The following MINPP1 variants were observed in gnomAD, a reference collection of about 807,000 sequenced individuals.
The protein encoded by MINPP1 is multiple inositol-polyphosphate phosphatase 1, also known as multiple inositol polyphosphate phosphatase 1.
A neutral mutation model predicts 46.1 loss-of-function variants in MINPP1; 28 were observed. The observed-to-expected ratio is 0.61, with a 90% CI of 0.45 to 0.83. MINPP1 has a LOEUF of 0.83. Ranked by LOEUF, MINPP1 falls within the 40% of genes least tolerant of loss-of-function variation. The pLI, the probability that MINPP1 is intolerant of heterozygous loss-of-function variation, is 0.00. For synonymous variants in MINPP1, 268 were observed against 249.1 expected, an observed-to-expected ratio of 1.08 and a Z score of -0.72; for missense variants, 603 against 610.0, an observed-to-expected ratio of 0.99 and a Z score of 0.12.
rs575601700 is a variant in MINPP1, at chr10:87,511,330, A to C, written c.836-1794A>C. ...TTTACATAGCCATATCTGTCTCTTC[A>C]TTATGGCTTCTGAGTGTTGTATTTT... On this transcript the variant is annotated intron_variant, in intron 2 of 4. Coordinates refer to ENST00000371996, the MANE Select transcript of MINPP1 (RefSeq NM_004897.5). 2.6e-5 allele frequency among the ~76,000 whole-genome samples: 4 copies of C among 152,236 alleles called. No individual in the cohort carries two copies. The South Asian group carries it at 8.3e-4, about 32-fold the overall frequency.
rs558419016 is a variant in MINPP1 at position 87,528,514 on chromosome 10, C to T, written c.1067+7345C>T. ...TTTGTTCAGTTTCCATGTAGTTGAG[C>T]GGTTTTGAGTGAGTTTCTTAATCCT... On this transcript the variant is annotated intron_variant, in intron 4 of 4. Transcript: ENST00000371996. Among the ~76,000 whole-genome samples the T allele has an allele frequency of 3.6e-3, 548 of 150,192 alleles. 6 individuals are homozygous for T. Among genetic ancestry groups the T allele is most frequent in the African/African-American group, 0.012 (503 of 40,824 alleles).
chr10:87,506,921 T>A lies in MINPP1; in HGVS notation c.637+1369T>A, dbSNP rs565563989. Among the ~76,000 whole-genome samples, 59 of 152,380 alleles carry A rather than the reference T, an allele frequency of 3.9e-4. 1 individual carries two copies. The South Asian group carries it at 5.0e-3, about 13-fold the overall frequency. On this transcript the variant is annotated intron_variant, in intron 1 of 4. Coordinates refer to ENST00000371996, the MANE Select transcript of MINPP1 (RefSeq NM_004897.5). ...TTACTTGTTGAACTGTGTTTTTTTT[T>A]AAATATATACTTTTTCCATTAGCAT...
At position 87,505,365 on chromosome 10, in the gene MINPP1, A is replaced by G; in HGVS notation, c.450A>G (p.Gly150=). The G allele has an allele frequency of 6.2e-7, 1 of 1,613,932 alleles. No individual in the cohort carries two copies. Residue 150 remains glycine (G), a synonymous_variant, in exon 1 of 5, where the codon GGA becomes GGG. Transcript: ENST00000371996. This position sits in a 1 kb window ranked among gnomAD's most constrained non-coding sequence, Gnocchi z 4.4. Reference sequence around the variant, plus strand: ...TGGACGGGCAGCTAGTAGAGAAGGGACGGCAGGATATGCGACAGCTGGCGC... The same window carrying G: ...TGGACGGGCAGCTAGTAGAGAAGGGGCGGCAGGATATGCGACAGCTGGCGC... ...DWMDGQLVEK[G]RQDMRQLALR... is the part of the protein sequence containing the mutation.
intron 4 of MINPP1, among the ~76,000 whole-genome samples, chr10:87,536,331 A>G (rs1851735107): frequency 6.6e-6 from 1 of 152,212 alleles, no homozygotes; most frequent in South Asian, 2.1e-4. Context: ...GGAGTCTTTG[A>G]AGTAGGCTAC....
At chr10:87,519,144 A>G (rs1851457415) in intron 3 of MINPP1, among the ~76,000 whole-genome samples, 1 of 152,196 alleles carries the variant, frequency 6.6e-6, no homozygotes, top group South Asian at 2.1e-4. Context: ...AACAAGGGAT[A>G]TGGGAGTTAC....
At chr10:87,544,988 G>A (rs552674097) in intron 4 of MINPP1, among the ~76,000 whole-genome samples, 1 of 152,286 alleles carries the variant, frequency 6.6e-6, no homozygotes, top group Admixed American at 6.5e-5. Flanking sequence ...TTATTTAAGA[G>A]TGTGTGTAAT....
intron 3 of MINPP1, among the ~76,000 whole-genome samples, chr10:87,519,644 C>T (rs1236506549): frequency 6.6e-6 from 1 of 152,100 alleles, no homozygotes; most frequent in African/African-American, 2.4e-5. Context: ...TCCTCCTCAC[C>T]CCTTTAATGT....
chr10:87,547,006 A>G (rs1851896763), intron 4 of MINPP1, among the ~76,000 whole-genome samples: 2 of 152,200 alleles, frequency 1.3e-5, no homozygotes, highest in South Asian at 2.1e-4. Context: ...GCCAAATTGC[A>G]TGTTGCTGAA....
intron 4 of MINPP1, among the ~76,000 whole-genome samples, chr10:87,538,086 T>C (rs1164548818): frequency 1.3e-5 from 2 of 151,182 alleles, no homozygotes; most frequent in Non-Finnish European, 2.9e-5. Flanking sequence ...TAGATAGGAG[T>C]AATCTGTAAT....
intron 1 of MINPP1, among the ~76,000 whole-genome samples, chr10:87,507,673 G>A (rs150177797): frequency 1.6e-3 from 245 of 152,262 alleles, no homozygotes; most frequent in African/African-American, 5.6e-3. Flanking sequence ...AGTAGTTGAA[G>A]CATGATTATG....
At position 87,505,835 on chromosome 10, in the gene MINPP1, G is replaced by A. The variant is rs908930604; in HGVS notation, c.637+283G>A. ...TAGAGTTGGGGATCCAACAGGAAAG[G>A]GGACAGACGAGGTCTCCCGCAATTT... On this transcript the variant is annotated intron_variant, in intron 1 of 4. Transcript: ENST00000371996. This position sits in a 1 kb window ranked among gnomAD's most constrained non-coding sequence, Gnocchi z 4.4. Among the ~76,000 whole-genome samples the A allele has an allele frequency of 1.1e-4, 17 of 152,216 alleles. No individual in the cohort carries two copies. The highest frequency in any genetic ancestry group is 4.1e-4 in the African/African-American group (17 of 41,534).
intron 4 of MINPP1, among the ~76,000 whole-genome samples, chr10:87,538,749 T>C (rs1320179695): frequency 6.6e-6 from 1 of 152,208 alleles, no homozygotes; most frequent in Non-Finnish European, 1.5e-5. Flanking sequence ...TACATAAATA[T>C]GGGAATTATA....
At chr10:87,547,172 C>T (rs755955964) in intron 4 of MINPP1, among the ~76,000 whole-genome samples, 2 of 152,022 alleles carry the variant, frequency 1.3e-5, no homozygotes, top group Non-Finnish European at 2.9e-5. Flanking sequence ...AGTGCAGTGA[C>T]GTGATCTTGG....
chr10:87,522,196 A>T (rs981050385), intron 4 of MINPP1, among the ~76,000 whole-genome samples: 1 of 152,128 alleles, frequency 6.6e-6, no homozygotes, highest in Non-Finnish European at 1.5e-5. Flanking sequence ...AAGTGGAAAA[A>T]TTTTTTTTAA....
At position 87,505,712 on chromosome 10, in the gene MINPP1, A is replaced by G. The variant is rs190286316; in HGVS notation, c.637+160A>G. Among the ~76,000 whole-genome samples, 18 of 152,182 alleles carry G rather than the reference A, an allele frequency of 1.2e-4. No homozygotes were observed. Among genetic ancestry groups the G allele is most frequent in the Admixed American group, 4.6e-4 (7 of 15,300 alleles). The stretch of plus-strand genomic sequence containing the variant: ...GGCTACGTCCTCCCTGTCGAGGGAT[A>G]TTACAGACTTGGCTATCTCTTTTTC... On this transcript the variant is annotated intron_variant, in intron 1 of 4. Transcript: ENST00000371996. The surrounding 1 kb of genome is among the most constrained non-coding windows in gnomAD (Gnocchi z 4.4).
intron 3 of MINPP1, among the ~76,000 whole-genome samples, chr10:87,513,965 C>T (rs1851373852): frequency 6.6e-6 from 1 of 152,066 alleles, no homozygotes; most frequent in Non-Finnish European, 1.5e-5. Flanking sequence ...CTTGCATTTC[C>T]TATCACTCAG....
In MINPP1 at chr10:87,552,421, T is replaced by G; in HGVS notation, c.1407T>G (p.Cys469Trp). The change falls in exon 5 of 5, where the codon TGT becomes TGG. Residue 469 changes from cysteine (C) to tryptophan (W), a missense_variant. By Grantham distance (215) the Cys-to-Trp change is radical. Around this residue, in one of 3 missense-constraint regions of MINPP1, gnomAD observed 344 missense variants for 381.1 expected, o/e 0.90. Transcript: ENST00000371996. ...KNHYKDILQSCQTSEECELAR... is the reference protein window; with the variant it reads ...KNHYKDILQSWQTSEECELAR... ...ACTACAAGGACATCCTTCAGAGTTG[T>G]CAAACCAGTGAAGAATGTGAATTAG... 1 of 1,613,366 alleles carries G rather than the reference T, an allele frequency of 6.2e-7. No individual in the cohort carries two copies. The highest frequency in any genetic ancestry group is 8.5e-7 in the Non-Finnish European group (1 of 1,179,694).
chr10:87,534,021 GT>G (rs1444110483), intron 4 of MINPP1, among the ~76,000 whole-genome samples: 16 of 142,358 alleles, frequency 1.1e-4, no homozygotes, highest in Non-Finnish European at 2.5e-4. Flanking sequence ...TCTCTGTAGT[GT>G]TGAAAGATAC....
At chr10:87,507,828 T>C in intron 1 of MINPP1, 4 of 1,030,270 alleles carry the variant, frequency 3.9e-6, no homozygotes, top group Non-Finnish European at 4.7e-6. Flanking sequence ...ACCCAAAACA[T>C]CAGTGCGTTT....
Sources: allele counts gnomAD v4.1 joint callset (sites outside exome capture counted in the v4.1 genomes callset), GRCh38; gene constraint gnomAD v4.1.1; regional missense constraint gnomAD v4.1.1; non-coding constraint Gnocchi (gnomAD v3.1); transcripts MANE v1.5; gene names NCBI Gene and HGNC (gene_info 2026-07-23, HGNC 2026-07-21).